RANBP17: variants seen among roughly 807,000 people sequenced by gnomAD.
RANBP17 encodes ran-binding protein 17.
Under a neutral mutation model 141.2 loss-of-function variants are expected in RANBP17, and 158 were observed. The observed-to-expected ratio is 1.12, with a 90% confidence interval of 0.98 to 1.28. The LOEUF is 1.28. RANBP17 is among the 50% of genes most tolerant of loss of function. The pLI is 0.00. For synonymous variants in RANBP17, 430 were observed against 450.0 expected (o/e 0.96, Z 0.56); for missense variants, 1,438 against 1,290.7 (o/e 1.11, Z -1.75).
chr5:170,874,989 T>G (rs1303917216), intron 1 of RANBP17, among the ~76,000 whole-genome samples: 8 of 152,214 alleles, frequency 5.3e-5, no homozygotes, highest in African/African-American at 1.9e-4. Context: ...CCATATTTAG[T>G]GCTTCCTTCA....
chr5:171,143,310 T>C (rs1757822385), intron 14 of RANBP17: 1 of 152,222 alleles, frequency 6.6e-6, no homozygotes, highest in Admixed American at 6.5e-5. Flanking sequence ...CTGGAAGAGA[T>C]CATATAATAT....
chr5:170,925,656 A>G (rs1772857223), intron 12 of RANBP17, among the ~76,000 whole-genome samples: 1 of 152,114 alleles, frequency 6.6e-6, no homozygotes, highest in African/African-American at 2.4e-5. Flanking sequence ...CCTCTTTCCT[A>G]TCAACAGAAA....
At chr5:171,091,849 G>A (rs1253240413) in intron 14 of RANBP17, among the ~76,000 whole-genome samples, 1 of 152,170 alleles carries the variant, frequency 6.6e-6, no homozygotes, top group Non-Finnish European at 1.5e-5. Context: ...GGAACTGTAA[G>A]TCCAGTAAAC....
At chr5:171,078,484 AAC>A (rs1437052797) in intron 14 of RANBP17, among the ~76,000 whole-genome samples, 9 of 152,212 alleles carry the variant, frequency 5.9e-5, no homozygotes, top group Non-Finnish European at 1.2e-4. Context: ...ATGTAGATGA[AAC>A]AGTCTTCTGT....
intron 25 of RANBP17, among the ~76,000 whole-genome samples, chr5:171,268,612 T>C (rs1766892437): frequency 6.6e-6 from 1 of 152,080 alleles, no homozygotes; most frequent in Non-Finnish European, 1.5e-5. Context: ...TCATGTGTTT[T>C]GCATGAAGAA....
At chr5:171,264,933 T>G (rs1464827974) in intron 24 of RANBP17, among the ~76,000 whole-genome samples, 1 of 152,172 alleles carries the variant, frequency 6.6e-6, no homozygotes, top group Admixed American at 6.5e-5. Context: ...CACCAAACTC[T>G]CCTTGATCCC....
At chr5:171,029,372 A>T (rs993399170) in intron 14 of RANBP17, among the ~76,000 whole-genome samples, 1 of 152,158 alleles carries the variant, frequency 6.6e-6, no homozygotes, top group African/African-American at 2.4e-5. Flanking sequence ...GTTTAGAACA[A>T]CTTAAAATCA....
chr5:171,000,925 G>A (rs558438040), intron 14 of RANBP17, among the ~76,000 whole-genome samples: 54 of 152,342 alleles, frequency 3.5e-4, no homozygotes, highest in Non-Finnish European at 2.6e-4. Context: ...AATGTCATCA[G>A]TTAAGGCTGT....
At chr5:171,167,904 C>T (rs760027822) in intron 14 of RANBP17, among the ~76,000 whole-genome samples, 4 of 152,174 alleles carry the variant, frequency 2.6e-5, no homozygotes, top group Middle Eastern at 3.2e-3. Flanking sequence ...TTGTAATTTA[C>T]GATTCTATGT....
At position 171,255,257 on chromosome 5, in the gene RANBP17, C is replaced by T. The variant is rs565890197; in HGVS notation, c.2777-10424C>T. Among the ~76,000 whole-genome samples the T allele has an allele frequency of 3.9e-3, 591 of 152,128 alleles. 1 individual carries two copies. The highest frequency in any genetic ancestry group is 5.5e-3 in the Non-Finnish European group (377 of 67,988). On this transcript the variant is annotated intron_variant, in intron 24 of 27. Coordinates refer to ENST00000523189, the MANE Select transcript of RANBP17 (RefSeq NM_022897.5). ...ATTTTGAGGGCTTAAATCAAATTGTCTTGAAATTAAAGCTGTATTTCTGCA... is the reference window on the plus strand; with the variant it reads ...ATTTTGAGGGCTTAAATCAAATTGTTTTGAAATTAAAGCTGTATTTCTGCA...
intron 14 of RANBP17, among the ~76,000 whole-genome samples, chr5:171,156,125 G>A (rs772817436): frequency 2.0e-5 from 3 of 152,066 alleles, no homozygotes; most frequent in Non-Finnish European, 4.4e-5. Flanking sequence ...ATTATAAGCG[G>A]ATGTTCCTTA....
intron 14 of RANBP17, among the ~76,000 whole-genome samples, chr5:171,071,633 G>C (rs186074816): frequency 3.2e-5 from 2 of 61,966 alleles, no homozygotes; most frequent in African/African-American, 1.2e-4. Context: ...AATGGTACTG[G>C]AACAATGAAC....
chr5:171,252,359 A>G, intron 24 of RANBP17: 15 of 1,537,720 alleles, frequency 9.8e-6, no homozygotes, highest in Middle Eastern at 1.9e-4. Flanking sequence ...TTAACTAATG[A>G]AACCAGATGT....
chr5:170,896,986 T>C lies in RANBP17; in HGVS notation c.489+871T>C, dbSNP rs1478692072. Reference sequence around the variant, plus strand: ...GTGCGAAAACCAGATTGGCTGCTGCTTCTGGGACCTGGCACTAAGGGAGCA... The same window carrying C: ...GTGCGAAAACCAGATTGGCTGCTGCCTCTGGGACCTGGCACTAAGGGAGCA... On this transcript the variant is annotated intron_variant, in intron 5 of 27. Coordinates refer to ENST00000523189, the MANE Select transcript of RANBP17 (RefSeq NM_022897.5). 4 of 1,081,032 alleles carry C rather than the reference T, an allele frequency of 3.7e-6. No homozygotes were observed. The African/African-American group carries it at 4.8e-5, about 13-fold the overall frequency. The allele number at this position is 1,081,032 out of a possible 1,614,324, so 67.0% of individuals were successfully genotyped here.
At chr5:171,077,386 A>G (rs1305242940) in intron 14 of RANBP17, among the ~76,000 whole-genome samples, 1 of 152,178 alleles carries the variant, frequency 6.6e-6, no homozygotes, top group South Asian at 2.1e-4. Flanking sequence ...TAATCTTGCC[A>G]TAAAACAAAA....
At chr5:171,091,375 G>A (rs1786260614) in intron 14 of RANBP17, among the ~76,000 whole-genome samples, 1 of 152,230 alleles carries the variant, frequency 6.6e-6, no homozygotes, top group African/African-American at 2.4e-5. Context: ...TTTATCCAAT[G>A]CCTGTACCCC....
At chr5:171,233,359 C>G (rs769314091) in intron 22 of RANBP17, among the ~76,000 whole-genome samples, 20 of 152,182 alleles carry the variant, frequency 1.3e-4, no homozygotes, top group Non-Finnish European at 2.4e-4. Context: ...TCTTATGAAA[C>G]TAAACACAGT....
At chr5:171,115,792 A>T (rs1303859622) in intron 14 of RANBP17, among the ~76,000 whole-genome samples, 1 of 152,246 alleles carries the variant, frequency 6.6e-6, no homozygotes, top group Non-Finnish European at 1.5e-5. Context: ...GTCCAGAAAC[A>T]AAGTTAAAAA....
chr5:170,981,564 T>G (rs1469116743), intron 14 of RANBP17, among the ~76,000 whole-genome samples: 4 of 151,004 alleles, frequency 2.6e-5, no homozygotes, highest in South Asian at 2.1e-4. Flanking sequence ...AGGCTCTCAT[T>G]TTTTTTTTTG....
Sources: gnomAD v4.1 joint callset for allele counts (sites outside exome capture counted in the v4.1 genomes callset) on GRCh38, gnomAD v4.1.1 for gene constraint, MANE v1.5 for transcripts, NCBI Gene and HGNC (gene_info 2026-07-23, HGNC 2026-07-21) for gene names.